Variants in BRAF observed in about 807,000 individuals in gnomAD.
The protein encoded by BRAF is serine/threonine-protein kinase B-raf.
A neutral mutation model predicts 104.6 loss-of-function variants in BRAF; 16 were observed. The ratio of observed to expected loss-of-function variants is 0.15; its 90% CI spans 0.10 to 0.23. The LOEUF (loss-of-function observed/expected upper bound fraction) is 0.23. Ranked by LOEUF, BRAF falls within the 10% of genes least tolerant of loss-of-function variation. BRAF has a pLI of 1.00. For missense variants in BRAF, 541 were observed against 937.3 expected, an observed-to-expected ratio of 0.58 and a Z score of 5.52; for synonymous variants, 310 against 341.6, an observed-to-expected ratio of 0.91 and a Z score of 1.02.
chr7:140,827,240 C>T (rs1371290433), intron 3 of BRAF, among the ~76,000 whole-genome samples: 1 of 152,166 alleles, frequency 6.6e-6, no homozygotes, highest in Non-Finnish European at 1.5e-5. Context: ...TAGACTGTTT[C>T]CTTGCATGTC....
At chr7:140,807,913 A>T in intron 5 of BRAF, 47 bp downstream of exon 5, 1 of 1,468,960 alleles carries the variant, frequency 6.8e-7, no homozygotes, top group Non-Finnish European at 9.5e-7. Flanking sequence ...CATTCATTAA[A>T]ATCTAAACAT....
At chr7:140,914,342 CTT>C (rs1343126298) in intron 1 of BRAF, among the ~76,000 whole-genome samples, 1 of 152,060 alleles carries the variant, frequency 6.6e-6, no homozygotes, top group African/African-American at 2.4e-5. Context: ...TATAATGAAA[CTT>C]ATTTGAGATT....
chr7:140,818,157 T>C (rs942442313), intron 3 of BRAF, among the ~76,000 whole-genome samples: 1 of 152,122 alleles, frequency 6.6e-6, no homozygotes, highest in African/African-American at 2.4e-5. Flanking sequence ...GGACGATGGG[T>C]GTCCAGCAGA....
Position 140,719,607 on chromosome 7 carries a change from A to G in BRAF, c.*6887T>C, listed in dbSNP as rs1585881347. The G allele has an allele frequency of 1.8e-5, 19 of 1,059,988 alleles. No individual in the cohort carries two copies. The African/African-American group carries it at 2.0e-4, about 11-fold the overall frequency. The allele number at this position is 1,059,988 out of a possible 1,614,324, so 65.7% of individuals were successfully genotyped here. On this transcript the variant is annotated 3_prime_UTR_variant, in exon 20 of 20. Transcript: ENST00000644969. Reference sequence around the variant, plus strand: ...AGAACCAAAGTATCAGGAAGTGGGTATGGGGGAGAATTAAAAAAAATAATA... The same window carrying G: ...AGAACCAAAGTATCAGGAAGTGGGTGTGGGGGAGAATTAAAAAAAATAATA...
the BRAF span, among the ~76,000 whole-genome samples, chr7:140,713,875 C>G: frequency 5.3e-5 from 8 of 152,172 alleles, no homozygotes; most frequent in African/African-American, 1.9e-4. Context: ...GAGGTCCACT[C>G]CAGACCCTGT....
chr7:140,904,399 T>C (rs200409377), intron 1 of BRAF, among the ~76,000 whole-genome samples: 1 of 151,886 alleles, frequency 6.6e-6, no homozygotes, highest in South Asian at 2.1e-4. Context: ...TTTTTTTTTT[T>C]CCAATCAAGA....
At position 140,733,670 on chromosome 7, in the gene BRAF, T is replaced by TATGC. The variant is rs1796157335; in HGVS notation, c.2401+943_2401+946dup. 2 of 152,226 alleles carry TATGC rather than the reference T, an allele frequency of 1.3e-5. 1 individual carries two copies. The highest frequency in any genetic ancestry group is 4.1e-4 in the South Asian group (2 of 4,830). The allele number at this position is 152,226 out of a possible 1,614,324, so 9.4% of individuals were successfully genotyped here. ...CACAATGATAAGGTGATTGCTAAAA[T>TATGC]ATGCATCATGAGAGGTAAGAATAAT... On this transcript the variant is annotated intron_variant, in intron 19 of 19. Coordinates refer to ENST00000644969, the MANE Select transcript of BRAF (RefSeq NM_001374258.1).
Position 140,913,114 on chromosome 7 carries a change from C to G in BRAF, c.138+11452G>C, listed in dbSNP as rs541751274. On this transcript the variant is annotated intron_variant, in intron 1 of 19. Transcript: ENST00000644969. ...CTTCTCAAGTGAGGCCTACCCTGAC[C>G]TCCCTATTTAAATTGCTACCTACCC... Among the ~76,000 whole-genome samples, 3 of 152,226 alleles carry G rather than the reference C, an allele frequency of 2.0e-5. No homozygotes were observed. The South Asian group carries it at 6.2e-4, about 32-fold the overall frequency.
chr7:140,874,512 A>G (rs1262169042), intron 1 of BRAF, among the ~76,000 whole-genome samples: 1 of 145,340 alleles, frequency 6.9e-6, no homozygotes, highest in Non-Finnish European at 1.5e-5. Context: ...AAAAAAGTTT[A>G]CTTTTTAAAA....
At chr7:140,812,193 T>TGTGA (rs1562971679) in intron 3 of BRAF, among the ~76,000 whole-genome samples, 1 of 149,866 alleles carries the variant, frequency 6.7e-6, no homozygotes, top group Non-Finnish European at 1.5e-5. Flanking sequence ...TGTGTGTGTG[T>TGTGA]GAGGGTGGGA....
At chr7:140,744,699 C>G (rs181479071) in intron 17 of BRAF, among the ~76,000 whole-genome samples, 3 of 151,972 alleles carry the variant, frequency 2.0e-5, no homozygotes, top group Non-Finnish European at 2.9e-5. Context: ...AGTGTCCTAA[C>G]AAAAAAGTTG....
At chr7:140,758,718 G>A (rs1444860044) in intron 14 of BRAF, among the ~76,000 whole-genome samples, 2 of 152,230 alleles carry the variant, frequency 1.3e-5, no homozygotes, top group African/African-American at 4.8e-5. Context: ...GCCTCCCGAA[G>A]TGCTAGAATT....
At chr7:140,754,039 C>T in intron 15 of BRAF, 148 bp downstream of exon 14, 1 of 816,510 alleles carries the variant, frequency 1.2e-6, no homozygotes, top group Non-Finnish European at 2.1e-6. Flanking sequence ...TCCTGCTCTC[C>T]TATACATGCA....
At chr7:140,762,795 G>A (rs1798884853) in intron 14 of BRAF, among the ~76,000 whole-genome samples, 1 of 152,062 alleles carries the variant, frequency 6.6e-6, no homozygotes, top group Non-Finnish European at 1.5e-5. Flanking sequence ...TGAGATTAGG[G>A]AGTGGTGATG....
intron 3 of BRAF, among the ~76,000 whole-genome samples, chr7:140,813,882 C>CATACAT (rs1804544360): frequency 1.3e-5 from 2 of 150,046 alleles, no homozygotes; most frequent in South Asian, 4.3e-4. Flanking sequence ...CATGCGGACG[C>CATACAT]ATACATACAC....
rs904154966 is a variant in BRAF at position 140,869,257 on chromosome 7, T to C, written c.139-19045A>G. On this transcript the variant is annotated intron_variant, in intron 1 of 19. Coordinates refer to ENST00000644969, the MANE Select transcript of BRAF (RefSeq NM_001374258.1). Reference sequence around the variant, plus strand: ...CAGAAATAACATGTTCTTTTACATGTTCTAAGAGACACCTTTCCCCCATCC... The same window carrying C: ...CAGAAATAACATGTTCTTTTACATGCTCTAAGAGACACCTTTCCCCCATCC... Among the ~76,000 whole-genome samples the C allele has an allele frequency of 5.3e-5, 8 of 152,260 alleles. No homozygotes were observed. In the South Asian group the frequency reaches 1.7e-3, roughly 32 times the overall value.
chr7:140,719,839 C>G lies in BRAF; in HGVS notation c.*6655G>C, dbSNP rs1392150713. 1.7e-5 allele frequency: 18 copies of G among 1,062,900 alleles called. No homozygotes were observed. The highest frequency in any genetic ancestry group is 2.1e-5 in the Non-Finnish European group (18 of 877,802). The allele number at this position is 1,062,900 out of a possible 1,614,324, so 65.8% of individuals were successfully genotyped here. ...GGCACGCCCCAGACTCCACGAGAAC[C>G]TTTTCAATGCTTGAGTGGAACTGAA... On this transcript the variant is annotated 3_prime_UTR_variant, in exon 20 of 20. Coordinates refer to ENST00000644969, the MANE Select transcript of BRAF (RefSeq NM_001374258.1).
chr7:140,787,300 C>CAAAAAA (rs1199383417), intron 9 of BRAF, among the ~76,000 whole-genome samples: 2 of 55,082 alleles, frequency 3.6e-5, no homozygotes, highest in Non-Finnish European at 4.9e-5. Context: ...GACTCCGTCT[C>CAAAAAA]AAAAAAAAAA....
At chr7:140,731,206 AC>A in intron 19 of BRAF, 1 of 151,966 alleles carries the variant, frequency 6.6e-6, no homozygotes, top group Non-Finnish European at 1.5e-5. Flanking sequence ...CTGTAGAGAC[AC>A]CGTTTCGCCA....
Sources: allele counts gnomAD v4.1 joint callset (sites outside exome capture counted in the v4.1 genomes callset), GRCh38; gene constraint gnomAD v4.1.1; transcripts MANE v1.5; gene names NCBI Gene and HGNC (gene_info 2026-07-23, HGNC 2026-07-21).